The following DCC variants were observed in gnomAD, a reference collection of about 807,000 sequenced individuals.
DCC encodes DCC netrin 1 receptor, also known as netrin receptor DCC.
Under a neutral mutation model 172.5 loss-of-function variants are expected in DCC, and 58 were observed. That is an observed-to-expected ratio of 0.34 (90% confidence interval 0.27 to 0.42). DCC has a LOEUF of 0.42. Among genes scored for constraint, DCC ranks in the 10% least tolerant of loss-of-function variants. The pLI is 1.00. For missense variants in DCC, 1,740 were observed against 1,791.0 expected (o/e 0.97, Z 0.51); for synonymous variants, 709 against 644.5 (o/e 1.10, Z -1.52).
intron 5 of DCC, among the ~76,000 whole-genome samples, chr18:52,955,146 A>G (rs1477959371): frequency 6.6e-6 from 1 of 152,168 alleles, no homozygotes; most frequent in Non-Finnish European, 1.5e-5. Flanking sequence ...ATATAATGAC[A>G]AGTATCCATT....
At position 52,340,356 on chromosome 18, in the gene DCC, A is replaced by G; in HGVS notation, c.-432A>G. The G allele has an allele frequency of 9.8e-6, 2 of 204,260 alleles. No individual in the cohort carries two copies. Among genetic ancestry groups the G allele is most frequent in the Non-Finnish European group, 2.0e-5 (2 of 98,610 alleles). 12.7% of individuals were successfully genotyped at this position (204,260 alleles called of 1,614,324 possible). On this transcript the variant is annotated 5_prime_UTR_variant, in exon 1 of 29. Transcript: ENST00000442544. ...TCTTCAACTTTACCCAACCGACGAC[A>G]AGGAACCAGCCTCAACCTTTTAATG... is the stretch of plus-strand genomic sequence containing the variant.
At chr18:52,850,934 T>C (rs533871886) in intron 2 of DCC, among the ~76,000 whole-genome samples, 76 of 152,252 alleles carry the variant, frequency 5.0e-4, no homozygotes, top group Middle Eastern at 3.4e-3. Context: ...TTTTATCTTT[T>C]CTGTATTAAT....
At chr18:53,415,016 A>G (rs1910222119) in intron 20 of DCC, among the ~76,000 whole-genome samples, 1 of 152,216 alleles carries the variant, frequency 6.6e-6, no homozygotes, top group Non-Finnish European at 1.5e-5. Context: ...AACCCTGTTC[A>G]TCTGAAAGGG....
intron 1 of DCC, among the ~76,000 whole-genome samples, chr18:52,511,062 G>T (rs1598876508): frequency 6.6e-6 from 1 of 152,162 alleles, no homozygotes; most frequent in East Asian, 1.9e-4. Flanking sequence ...CAAGAGTCTA[G>T]AAGGATCAGG....
intron 14 of DCC, among the ~76,000 whole-genome samples, chr18:53,332,008 A>T (rs2057534113): frequency 1.3e-5 from 2 of 152,176 alleles, no homozygotes; most frequent in African/African-American, 4.8e-5. Flanking sequence ...CTGGTGAATT[A>T]TTTTAGCATC....
chr18:52,718,125 C>T (rs1456896147), intron 1 of DCC, among the ~76,000 whole-genome samples: 1 of 152,124 alleles, frequency 6.6e-6, no homozygotes, highest in Non-Finnish European at 1.5e-5. Context: ...GTACAGCTGG[C>T]TCACTTTGGT....
intron 1 of DCC, among the ~76,000 whole-genome samples, chr18:52,558,254 C>G (rs1745590360): frequency 6.6e-6 from 1 of 151,372 alleles, no homozygotes; most frequent in Non-Finnish European, 1.5e-5. Flanking sequence ...ATTAATATTA[C>G]TATTAATTAA....
chr18:53,310,973 A>G (rs972382662), intron 13 of DCC, among the ~76,000 whole-genome samples: 1 of 112,948 alleles, frequency 8.9e-6, no homozygotes, highest in Non-Finnish European at 2.0e-5. Context: ...CAATAAAGGT[A>G]TACTTAGAAG....
At chr18:53,391,179 C>A (rs972488967) in intron 16 of DCC, among the ~76,000 whole-genome samples, 3 of 151,750 alleles carry the variant, frequency 2.0e-5, no homozygotes, top group South Asian at 2.1e-4. Flanking sequence ...ACAGAGAAAC[C>A]CTATTAAGTT....
At chr18:53,156,727 A>G (rs2054742490) in intron 7 of DCC, among the ~76,000 whole-genome samples, 1 of 152,152 alleles carries the variant, frequency 6.6e-6, no homozygotes, top group African/African-American at 2.4e-5. Flanking sequence ...ACAAATAGTC[A>G]CTGTAAATTT....
At chr18:52,457,935 A>G (rs573692541) in intron 1 of DCC, among the ~76,000 whole-genome samples, 177 of 133,700 alleles carry the variant, frequency 1.3e-3, no homozygotes, top group African/African-American at 4.9e-3. Context: ...AAACAAACAA[A>G]CAACAAACAG....
At chr18:52,459,448 G>T (rs1023069070) in intron 1 of DCC, among the ~76,000 whole-genome samples, 2 of 144,312 alleles carry the variant, frequency 1.4e-5, no homozygotes, top group African/African-American at 5.0e-5. Flanking sequence ...AGAAAATGCA[G>T]TATTTGGTTT....
chr18:52,730,243 A>C (rs1187780723), intron 1 of DCC, among the ~76,000 whole-genome samples: 1 of 152,148 alleles, frequency 6.6e-6, no homozygotes, highest in Non-Finnish European at 1.5e-5. Flanking sequence ...GAGAGGGAGA[A>C]GGGAAAGGTA....
At chr18:53,358,785 C>T (rs1359941891) in intron 15 of DCC, among the ~76,000 whole-genome samples, 1 of 151,924 alleles carries the variant, frequency 6.6e-6, no homozygotes. Context: ...CTCTCAAAGT[C>T]ATGGGACTAC....
intron 9 of DCC, among the ~76,000 whole-genome samples, chr18:53,201,208 T>A (rs1008879161): frequency 6.6e-6 from 1 of 152,152 alleles, no homozygotes; most frequent in Non-Finnish European, 1.5e-5. Context: ...CTGCTTTGAA[T>A]GTGTTACAAG....
intron 5 of DCC, among the ~76,000 whole-genome samples, chr18:53,026,116 C>T (rs1210202987): frequency 6.6e-6 from 1 of 151,822 alleles, no homozygotes; most frequent in Non-Finnish European, 1.5e-5. Context: ...AACTGAAGTC[C>T]TCCCCTACTC....
At chr18:53,492,984 T>C (rs528452861) in intron 26 of DCC, among the ~76,000 whole-genome samples, 27 of 152,320 alleles carry the variant, frequency 1.8e-4, no homozygotes, top group Admixed American at 1.0e-3. Context: ...GTTTGTGTCC[T>C]CTCTTATTTC....
chr18:53,240,693 C>T (rs1173196088), intron 12 of DCC, among the ~76,000 whole-genome samples: 1 of 152,114 alleles, frequency 6.6e-6, no homozygotes, highest in South Asian at 2.1e-4. Flanking sequence ...GTCGTTGGGA[C>T]TAAATAAGAT....
At chr18:53,427,261 A>C (rs1164439227) in intron 21 of DCC, among the ~76,000 whole-genome samples, 1 of 152,160 alleles carries the variant, frequency 6.6e-6, no homozygotes, top group African/African-American at 2.4e-5. Context: ...TGCATATAAA[A>C]GTGGTTTCTT....
Sources: allele counts gnomAD v4.1 joint callset (sites outside exome capture counted in the v4.1 genomes callset), GRCh38; gene constraint gnomAD v4.1.1; transcripts MANE v1.5; gene names NCBI Gene and HGNC (gene_info 2026-07-23, HGNC 2026-07-21).